Variants in SYT9 observed in about 807,000 individuals in gnomAD.
SYT9 encodes the protein synaptotagmin 9.
SYT9 carries 22 observed loss-of-function variants against 48.4 expected under a neutral mutation model. That is an observed-to-expected ratio of 0.45 (90% CI 0.32 to 0.65). The LOEUF is 0.65. SYT9 is among the 30% of genes least tolerant of loss of function. The pLI, the probability that SYT9 is intolerant of heterozygous loss-of-function variation, is 0.03. For missense variants in SYT9, 577 were observed against 622.0 expected, an observed-to-expected ratio of 0.93 and a Z score of 0.77; for synonymous variants, 265 against 245.0, an observed-to-expected ratio of 1.08 and a Z score of -0.76.
intron 3 of SYT9, among the ~76,000 whole-genome samples, chr11:7,395,315 A>G (rs1564888653): frequency 6.6e-6 from 1 of 152,152 alleles, no homozygotes; most frequent in East Asian, 1.9e-4. Flanking sequence ...AAGAATGTAC[A>G]TTCTATGATT....
intron 6 of SYT9, among the ~76,000 whole-genome samples, chr11:7,424,091 G>C (rs1246648979): frequency 6.6e-6 from 1 of 152,120 alleles, no homozygotes; most frequent in Non-Finnish European, 1.5e-5. Flanking sequence ...AATTGGTTAG[G>C]TCTAAACTCT....
At chr11:7,267,562 A>G (rs1003350866) in intron 1 of SYT9, among the ~76,000 whole-genome samples, 7 of 152,008 alleles carry the variant, frequency 4.6e-5, no homozygotes, top group Non-Finnish European at 8.8e-5. Context: ...CATTGAGAAT[A>G]CAATGGAGTA....
At chr11:7,332,846 AG>A (rs1161284964) in intron 3 of SYT9, among the ~76,000 whole-genome samples, 2 of 152,230 alleles carry the variant, frequency 1.3e-5, no homozygotes, top group African/African-American at 4.8e-5. Context: ...AAAGAAATAG[AG>A]TTGTCAAGGT....
chr11:7,455,991 C>T (rs1397795044), intron 6 of SYT9, among the ~76,000 whole-genome samples: 1 of 152,182 alleles, frequency 6.6e-6, no homozygotes, highest in African/African-American at 2.4e-5. Flanking sequence ...TTTTAGGTGC[C>T]ACCTCCTCCA....
chr11:7,435,520 C>T (rs61888645), intron 6 of SYT9: 1 of 152,116 alleles, frequency 6.6e-6, no homozygotes, highest in African/African-American at 2.4e-5. Flanking sequence ...GTAGCAGGAA[C>T]TAGGGACAGA....
chr11:7,301,889 C>A (rs955781503), intron 1 of SYT9, among the ~76,000 whole-genome samples: 1 of 152,178 alleles, frequency 6.6e-6, no homozygotes, highest in African/African-American at 2.4e-5. Flanking sequence ...CTACTGTAGC[C>A]TGGGGCAGAA....
At chr11:7,265,594 CT>C (rs1327719733) in intron 1 of SYT9, among the ~76,000 whole-genome samples, 2 of 151,376 alleles carry the variant, frequency 1.3e-5, no homozygotes. Flanking sequence ...CTCAAACTGT[CT>C]ATGTAAAACT....
chr11:7,317,782 CTG>C (rs1849267689), intron 3 of SYT9, among the ~76,000 whole-genome samples: 1 of 152,172 alleles, frequency 6.6e-6, no homozygotes, highest in Admixed American at 6.5e-5. Context: ...TATGCACAAC[CTG>C]TTTCTGGATT....
intron 3 of SYT9, among the ~76,000 whole-genome samples, chr11:7,396,014 A>G (rs566691590): frequency 1.3e-5 from 2 of 152,106 alleles, no homozygotes; most frequent in African/African-American, 4.8e-5. Context: ...AGCATCTCTT[A>G]TAAGGCTAGT....
intron 6 of SYT9, among the ~76,000 whole-genome samples, chr11:7,428,402 T>C (rs1023797141): frequency 6.6e-5 from 10 of 152,138 alleles, no homozygotes; most frequent in Non-Finnish European, 1.2e-4. Flanking sequence ...TCAGAGGTGA[T>C]TGCTAACATG....
upstream of SYT9, among the ~76,000 whole-genome samples, chr11:7,247,678 A>ATGTG (rs146537241): frequency 7.0e-6 from 1 of 143,256 alleles, no homozygotes; most frequent in South Asian, 2.1e-4. Flanking sequence ...ATACGTATAT[A>ATGTG]TGTGTGTATA....
intron 6 of SYT9, among the ~76,000 whole-genome samples, chr11:7,422,087 G>A (rs1847366912): frequency 6.6e-6 from 1 of 152,190 alleles, no homozygotes; most frequent in African/African-American, 2.4e-5. Context: ...TCCATGCAAA[G>A]CCATCTGAGA....
intron 6 of SYT9, among the ~76,000 whole-genome samples, chr11:7,443,127 C>G (rs1383234959): frequency 6.6e-6 from 1 of 152,124 alleles, no homozygotes; most frequent in Non-Finnish European, 1.5e-5. Context: ...TTCTGCAGAC[C>G]CGACTGCCTA....
intron 6 of SYT9, among the ~76,000 whole-genome samples, chr11:7,433,010 T>C (rs537943616): frequency 6.6e-6 from 1 of 152,260 alleles, no homozygotes; most frequent in South Asian, 2.1e-4. Context: ...TGAACCCTAA[T>C]GTTGGAGGCA....
intron 3 of SYT9, among the ~76,000 whole-genome samples, chr11:7,334,652 C>CCCAATCCCCGCCACCCATCCCT: frequency 6.6e-6 from 1 of 152,174 alleles, no homozygotes; most frequent in South Asian, 2.1e-4. Flanking sequence ...CACCCATCCC[C>CCCAATCCCCGCCACCCATCCCT]CCAATCCCCA....
At chr11:7,369,582 C>T (rs754666672) in intron 3 of SYT9, among the ~76,000 whole-genome samples, 3 of 151,812 alleles carry the variant, frequency 2.0e-5, no homozygotes, top group East Asian at 1.9e-4. Flanking sequence ...GTATTGTCTA[C>T]GTTTTCTTCT....
At chr11:7,319,166 CTTTT>C in intron 3 of SYT9, among the ~76,000 whole-genome samples, 1 of 127,942 alleles carries the variant, frequency 7.8e-6, no homozygotes, top group African/African-American at 3.0e-5. Context: ...CCTATTTCTT[CTTTT>C]TTTTTTTCTT....
chr11:7,281,299 T>G (rs1385728751), intron 1 of SYT9, among the ~76,000 whole-genome samples: 3 of 152,216 alleles, frequency 2.0e-5, no homozygotes, highest in Admixed American at 6.5e-5. Flanking sequence ...ACAGGTTTCC[T>G]CTGTCATGTC....
intron 1 of SYT9, among the ~76,000 whole-genome samples, chr11:7,282,239 C>T (rs935641043): frequency 6.6e-6 from 1 of 152,158 alleles, no homozygotes; most frequent in African/African-American, 2.4e-5. Flanking sequence ...AAATAAGCAA[C>T]ATTCTTTCAT....
Sources: gnomAD v4.1 joint callset for allele counts (sites outside exome capture counted in the v4.1 genomes callset) on GRCh38, gnomAD v4.1.1 for gene constraint, MANE v1.5 for transcripts, NCBI Gene and HGNC (gene_info 2026-07-23, HGNC 2026-07-21) for gene names.